The following SCML2 variants were observed in gnomAD, a reference collection of about 807,000 sequenced individuals.
SCML2 encodes the protein Scm polycomb group protein like 2.
SCML2 carries 6 observed loss-of-function variants against 48.4 expected under a neutral mutation model. The ratio of observed to expected loss-of-function variants is 0.12; its 90% CI spans 0.07 to 0.24. The LOEUF (loss-of-function observed/expected upper bound fraction) is 0.24. SCML2 is among the 10% of genes least tolerant of loss of function. SCML2 has a pLI of 1.00. For missense variants in SCML2, 377 were observed against 528.2 expected, an observed-to-expected ratio of 0.71 and a Z score of 2.81; for synonymous variants, 181 against 189.5, an observed-to-expected ratio of 0.95 and a Z score of 0.37.
intron 1 of SCML2, among the ~76,000 whole-genome samples, chrX:18,340,053 T>C (rs749884657): frequency 1.8e-5 from 2 of 112,264 alleles, no homozygotes; most frequent in African/African-American, 6.5e-5. Flanking sequence ...AAATTCTCTC[T>C]ATATAATAAA....
intron 7 of SCML2, among the ~76,000 whole-genome samples, chrX:18,301,323 A>G (rs1047936764): frequency 3.6e-5 from 4 of 110,952 alleles, no homozygotes; most frequent in Non-Finnish European, 5.7e-5. Flanking sequence ...ACTTGAACCC[A>G]GGAGGCAGAG....
rs1210595240 is a variant in SCML2, at chrX:18,260,075, T to C, written c.1069+96A>G. ...TAAATGTTTAATATTACCATCTTTT[T>C]CCCTTATTATTTTATTTCCAGGACT... On this transcript the variant is annotated intron_variant, in intron 9 of 14. Coordinates refer to ENST00000251900, the MANE Select transcript of SCML2 (RefSeq NM_006089.3). 17 of 566,737 alleles carry C rather than the reference T, an allele frequency of 3.0e-5. No homozygotes were observed. In the East Asian group the frequency reaches 6.1e-4, roughly 20 times the overall value. 46.7% of individuals were successfully genotyped at this position (566,737 alleles called of 1,213,427 possible). A position where few individuals can be genotyped will look rare whatever the true frequency, so the allele number is the denominator to read the frequency against.
upstream of SCML2, chrX:18,354,777 C>T (rs1464475439): frequency 6.1e-6 from 1 of 164,683 alleles, no homozygotes; most frequent in African/African-American, 3.1e-5. Flanking sequence ...CGCGAGCACG[C>T]CCTTTGACCG....
At chrX:18,282,119 G>A (rs1028687218) in intron 7 of SCML2, among the ~76,000 whole-genome samples, 4 of 108,617 alleles carry the variant, frequency 3.7e-5, no homozygotes, top group East Asian at 3.0e-4. Flanking sequence ...GTGAAATTCC[G>A]TCTCAAAAAA....
At chrX:18,246,397 G>A (rs1926447336) in intron 13 of SCML2, among the ~76,000 whole-genome samples, 180 bp downstream of exon 13, 1 of 112,236 alleles carries the variant, frequency 8.9e-6, no homozygotes, top group African/African-American at 3.2e-5. Flanking sequence ...AGACAGTTCT[G>A]TGCTGTCAAG....
Position 18,261,792 on chromosome X carries a change from CAT to C in SCML2, c.949-1503_949-1502del, listed in dbSNP as rs371394263. 3.7e-3 allele frequency among the ~76,000 whole-genome samples: 402 copies of C among 109,565 alleles called. 22 individuals are homozygous for C. The highest frequency in any genetic ancestry group is 0.012 in the African/African-American group (347 of 28,774). ...TTTCAGAAGCTGGAAAATATACACA[CAT>C]GTTAATTTTTTAATGCATTTAAAAT... On this transcript the variant is annotated intron_variant, in intron 8 of 14. Coordinates refer to ENST00000251900, the MANE Select transcript of SCML2 (RefSeq NM_006089.3).
At position 18,250,733 on chromosome X, in the gene SCML2, A is replaced by C. The variant is rs751354283; in HGVS notation, c.1457-2851T>G. 5.4e-5 allele frequency among the ~76,000 whole-genome samples: 6 copies of C among 111,016 alleles called. No homozygotes were observed. The South Asian group carries it at 2.3e-3, about 43-fold the overall frequency. On this transcript the variant is annotated intron_variant, in intron 11 of 14. Coordinates refer to ENST00000251900, the MANE Select transcript of SCML2 (RefSeq NM_006089.3). ...TATAAATATTTTCAAGGACCTAAAA[A>C]ATGAAAATCATGTCTAAAGAACTAA...
At chrX:18,260,407 G>T in intron 8 of SCML2, 116 bp from the exon 9 acceptor site, 1 of 631,496 alleles carries the variant, frequency 1.6e-6, no homozygotes, top group East Asian at 4.1e-5. Context: ...GTTATCAGAA[G>T]TCCTCAGGTT....
chrX:18,355,048 C>T (rs1930498168), upstream of SCML2, among the ~76,000 whole-genome samples: 1 of 111,721 alleles, frequency 9.0e-6, no homozygotes, highest in African/African-American at 3.3e-5. Context: ...CACCACCCAC[C>T]CTGGCCACGC....
At chrX:18,258,329 A>G in intron 9 of SCML2, 82 bp from the exon 10 acceptor site, 1 of 663,707 alleles carries the variant, frequency 1.5e-6, no homozygotes, top group East Asian at 3.3e-5. Context: ...ATCAATTACT[A>G]TATCCCACTA....
intron 1 of SCML2, among the ~76,000 whole-genome samples, chrX:18,349,001 C>T (rs1376702784): frequency 8.9e-6 from 1 of 112,157 alleles, no homozygotes; most frequent in Non-Finnish European, 1.9e-5. Flanking sequence ...ACATACCAAA[C>T]AAATGGAGCT....
intron 1 of SCML2, among the ~76,000 whole-genome samples, chrX:18,335,787 A>G (rs1929792339): frequency 8.9e-6 from 1 of 111,966 alleles, no homozygotes; most frequent in African/African-American, 3.2e-5. Context: ...AAGACTCAAT[A>G]TTCTTAAGAT....
At chrX:18,334,021 C>T in intron 2 of SCML2, 29 bp downstream of exon 2, 12 of 1,169,558 alleles carry the variant, frequency 1.0e-5, no homozygotes, top group Non-Finnish European at 1.4e-5. Flanking sequence ...TAACTAAAAA[C>T]ATTATTGCCT....
intron 11 of SCML2, among the ~76,000 whole-genome samples, chrX:18,255,259 A>G (rs1926799423): frequency 1.8e-5 from 2 of 112,371 alleles, no homozygotes; most frequent in Non-Finnish European, 3.8e-5. Context: ...CAATTTCACA[A>G]CCAAAGAGGT....
intron 7 of SCML2, among the ~76,000 whole-genome samples, chrX:18,269,843 C>A (rs957300221): frequency 1.8e-5 from 2 of 110,501 alleles, no homozygotes; most frequent in African/African-American, 6.6e-5. Flanking sequence ...CAAATAGTAA[C>A]TTTACAGAAC....
chrX:18,283,616 A>G (rs1159228615), intron 7 of SCML2, among the ~76,000 whole-genome samples: 1 of 112,676 alleles, frequency 8.9e-6, no homozygotes, highest in Non-Finnish European at 1.9e-5. Flanking sequence ...CCATGCGGAA[A>G]AATGAGTAAC....
intron 1 of SCML2, among the ~76,000 whole-genome samples, chrX:18,341,973 T>C (rs1279051739): frequency 8.9e-6 from 1 of 112,084 alleles, no homozygotes; most frequent in Non-Finnish European, 1.9e-5. Context: ...CTTAGTTGAA[T>C]CCTCAGAGTG....
intron 7 of SCML2, among the ~76,000 whole-genome samples, chrX:18,302,482 C>A (rs1233668130): frequency 4.5e-5 from 5 of 111,220 alleles, no homozygotes; most frequent in Non-Finnish European, 9.4e-5. Flanking sequence ...CCACTTCGAA[C>A]CCACGGATTC....
intron 7 of SCML2, among the ~76,000 whole-genome samples, chrX:18,292,736 G>A (rs1423383648): frequency 9.0e-6 from 1 of 110,872 alleles, no homozygotes; most frequent in East Asian, 2.8e-4. Flanking sequence ...CTGATATATA[G>A]CCTTCCAGAT....
Sources: allele counts gnomAD v4.1 joint callset (sites outside exome capture counted in the v4.1 genomes callset), GRCh38; gene constraint gnomAD v4.1.1; transcripts MANE v1.5; gene names NCBI Gene and HGNC (gene_info 2026-07-23, HGNC 2026-07-21).